Variants in ASF1B observed in about 807,000 individuals in gnomAD.
ASF1B encodes the protein anti-silencing function 1B histone chaperone.
ASF1B carries 10 observed loss-of-function variants against 16.6 expected under a neutral mutation model. That is an observed-to-expected ratio of 0.60 (90% confidence interval 0.37 to 1.02). ASF1B has a LOEUF of 1.02. Ranked by LOEUF, ASF1B falls within the 50% of genes least tolerant of loss-of-function variation. The probability of loss-of-function intolerance (pLI) is 0.01; values close to 1 mark genes in which losing one functional copy is unlikely to be tolerated. For missense variants in ASF1B, 240 were observed against 266.0 expected (o/e 0.90, Z 0.68); for synonymous variants, 101 against 106.2 (o/e 0.95, Z 0.30).
intron 2 of ASF1B, among the ~76,000 whole-genome samples, chr19:14,125,155 C>T (rs866536513): frequency 1.3e-5 from 2 of 151,976 alleles, no homozygotes; most frequent in Non-Finnish European, 2.9e-5. Flanking sequence ...TTAGTAGAGA[C>T]GGGGTTTCAT....
At chr19:14,129,437 G>A (rs1967364675) in intron 1 of ASF1B, among the ~76,000 whole-genome samples, 2 of 152,038 alleles carry the variant, frequency 1.3e-5, no homozygotes, top group African/African-American at 4.8e-5. Flanking sequence ...AGCACTTTGG[G>A]AGGCCGAGGC....
chr19:14,128,405 G>C (rs1967349381), intron 1 of ASF1B, among the ~76,000 whole-genome samples: 1 of 152,136 alleles, frequency 6.6e-6, no homozygotes, highest in African/African-American at 2.4e-5. Flanking sequence ...TAGCAGGTCT[G>C]TAGGATACGG....
chr19:14,130,787 G>GTGTA (rs141600762), intron 1 of ASF1B, among the ~76,000 whole-genome samples: 68 of 142,474 alleles, frequency 4.8e-4, no homozygotes, highest in African/African-American at 1.4e-3. Context: ...GTGTTTGTGT[G>GTGTA]TATATATATA....
At chr19:14,129,875 A>T (rs1967375709) in intron 1 of ASF1B, among the ~76,000 whole-genome samples, 1 of 150,562 alleles carries the variant, frequency 6.6e-6, no homozygotes, top group Non-Finnish European at 1.5e-5. Context: ...GGTGATACAA[A>T]AAATACAAAA....
intron 3 of ASF1B, among the ~76,000 whole-genome samples, chr19:14,121,073 G>A (rs867454295): frequency 1.6e-4 from 24 of 151,506 alleles, no homozygotes; most frequent in Admixed American, 7.9e-4. Context: ...CTACAGCCTC[G>A]GCCTCCCAAA....
intron 1 of ASF1B, among the ~76,000 whole-genome samples, chr19:14,129,984 GAC>G (rs1967377261): frequency 6.6e-6 from 1 of 151,392 alleles, no homozygotes; most frequent in East Asian, 2.0e-4. Context: ...CAGCCTGGGT[GAC>G]AGAGTGAGAC....
chr19:14,121,705 C>T lies in ASF1B; in HGVS notation c.229G>A (p.Asp77Asn), dbSNP rs188094117. The T allele has an allele frequency of 1.9e-5, 30 of 1,613,138 alleles. No individual in the cohort carries two copies. In the East Asian group the frequency reaches 3.8e-4, roughly 20 times the overall value. ...AGRHMFVFQA[D>N]APNPSLIPET... ...GGGATGAGGGATGGGTTGGGGGCGT[C>T]GGCCTAGGGGAGACACATCCTAGGC... is the stretch of plus-strand genomic sequence containing the variant. Residue 77 changes from aspartate to asparagine, a missense_variant, in exon 3 of 4, where the codon GAC (aspartate) becomes AAC (asparagine). By Grantham distance (23) the Asp-to-Asn change is conservative. Coordinates refer to ENST00000263382, the MANE Select transcript of ASF1B (RefSeq NM_018154.3).
chr19:14,121,279 T>G, intron 3 of ASF1B: 1 of 322,288 alleles, frequency 3.1e-6, no homozygotes, highest in Non-Finnish European at 5.7e-6. Context: ...TGGCTCATTT[T>G]TTTTTTTTTT....
chr19:14,130,640 G>A (rs908735617), intron 1 of ASF1B, among the ~76,000 whole-genome samples: 4 of 151,904 alleles, frequency 2.6e-5, no homozygotes, highest in Non-Finnish European at 5.9e-5. Context: ...TCATAGCTAT[G>A]AGTACAGGAC....
At chr19:14,133,835 GCT>G (rs1349613461) in intron 1 of ASF1B, among the ~76,000 whole-genome samples, 8 of 110,454 alleles carry the variant, frequency 7.2e-5, no homozygotes, top group African/African-American at 2.9e-4. Context: ...ACGGAGTCTC[GCT>G]CTGTCGCCCA....
chr19:14,120,376 A>C lies in ASF1B; in HGVS notation c.*83T>G. On this transcript the variant is annotated 3_prime_UTR_variant, in exon 4 of 4. Coordinates refer to ENST00000263382, the MANE Select transcript of ASF1B (RefSeq NM_018154.3). ...CTGGATTGCAGCTGATGGCCCCCAAAGTCCTCTAGATGGGCCCTGCAGGAC... is the reference window on the plus strand; with the variant it reads ...CTGGATTGCAGCTGATGGCCCCCAACGTCCTCTAGATGGGCCCTGCAGGAC... 7.1e-7 allele frequency: 1 copy of C among 1,405,692 alleles called. No homozygotes were observed. Among genetic ancestry groups the C allele is most frequent in the East Asian group, 2.3e-5 (1 of 42,744 alleles). The allele number at this position is 1,405,692 out of a possible 1,614,324, so 87.1% of individuals were successfully genotyped here. A position where few individuals can be genotyped will look rare whatever the true frequency, so the allele number is the denominator to read the frequency against.
chr19:14,128,010 G>C (rs562564932), intron 1 of ASF1B, among the ~76,000 whole-genome samples: 1 of 152,228 alleles, frequency 6.6e-6, no homozygotes. Flanking sequence ...GAGATGAAAG[G>C]AAAGTGCTTA....
chr19:14,124,081 G>A lies in ASF1B; in HGVS notation c.225+2041C>T, dbSNP rs560178833. 9.9e-5 allele frequency among the ~76,000 whole-genome samples: 15 copies of A among 152,104 alleles called. No homozygotes were observed. The South Asian group carries it at 2.9e-3, about 30-fold the overall frequency. The stretch of plus-strand genomic sequence containing the variant: ...TGTTGAGATTACAGGTGTGAGCCAT[G>A]GCACCTGGCCTCAAGTGAGTCTTCT... On this transcript the variant is annotated intron_variant, in intron 2 of 3. Transcript: ENST00000263382.
chr19:14,131,168 G>A (rs961687014), intron 1 of ASF1B, among the ~76,000 whole-genome samples: 1 of 149,038 alleles, frequency 6.7e-6, no homozygotes, highest in Non-Finnish European at 1.5e-5. Flanking sequence ...GTAAGCCACT[G>A]TGCCTGGCCA....
chr19:14,132,656 A>G (rs1967423075), intron 1 of ASF1B, among the ~76,000 whole-genome samples: 1 of 152,176 alleles, frequency 6.6e-6, no homozygotes, highest in African/African-American at 2.4e-5. Context: ...CGTCTCTACT[A>G]AAGACACAAA....
Position 14,120,278 on chromosome 19 carries a change from C to T in ASF1B, c.*181G>A, listed in dbSNP as rs1967213100. ...TTCTTATAGGCCTGTAGAGGAAAAG[C>T]GAGATCATCCTTCTGGCCAGGACTA... On this transcript the variant is annotated 3_prime_UTR_variant, in exon 4 of 4. Transcript: ENST00000263382. 5.2e-6 allele frequency: 3 copies of T among 582,124 alleles called. No homozygotes were observed. The highest frequency in any genetic ancestry group is 3.0e-5 in the East Asian group (1 of 33,010). 36.1% of individuals were successfully genotyped at this position (582,124 alleles called of 1,614,324 possible). A position where few individuals can be genotyped will look rare whatever the true frequency, so the allele number is the denominator to read the frequency against.
intron 2 of ASF1B, among the ~76,000 whole-genome samples, chr19:14,121,969 T>C (rs139392089): frequency 0.022 from 3,379 of 151,792 alleles, 59 homozygotes; most frequent in Non-Finnish European, 0.033. Flanking sequence ...TTTGCTCTGT[T>C]GCCCAGGCTG....
intron 2 of ASF1B, among the ~76,000 whole-genome samples, chr19:14,125,503 G>A (rs1967304941): frequency 6.6e-6 from 1 of 151,290 alleles, no homozygotes; most frequent in African/African-American, 2.4e-5. Context: ...GCCTCTGAGA[G>A]GTCAGATAGT....
At chr19:14,120,735 C>A (rs1218044947) in intron 3 of ASF1B, 70 bp from the exon 4 acceptor site, 2 of 1,442,116 alleles carry the variant, frequency 1.4e-6, no homozygotes, top group Non-Finnish European at 1.9e-6. Context: ...GCCAGGACAC[C>A]CCCAATCACC....
Sources: allele counts gnomAD v4.1 joint callset (sites outside exome capture counted in the v4.1 genomes callset), GRCh38; gene constraint gnomAD v4.1.1; transcripts MANE v1.5; gene names NCBI Gene and HGNC (gene_info 2026-07-23, HGNC 2026-07-21).